Variants in CHODL observed in about 807,000 individuals in gnomAD.
CHODL encodes transmembrane protein MT75.
CHODL carries 29 observed loss-of-function variants against 34.5 expected under a neutral mutation model. That is an observed-to-expected ratio of 0.84 (90% CI 0.63 to 1.15). CHODL has a LOEUF of 1.15. Among genes scored for constraint, CHODL ranks in the 50% most tolerant of loss-of-function variants. The pLI, the probability that CHODL is intolerant of heterozygous loss-of-function variation, is 0.00. For synonymous variants in CHODL, 125 were observed against 116.1 expected (o/e 1.08, Z -0.49); for missense variants, 332 against 332.5 (o/e 1.00, Z 0.01).
chr21:18,155,492 T>C lies in CHODL; in HGVS notation c.-44-101017T>C, dbSNP rs115830459. Among the ~76,000 whole-genome samples, 446 of 152,334 alleles carry C rather than the reference T, an allele frequency of 2.9e-3. 3 individuals are homozygous for C. The highest frequency in any genetic ancestry group is 0.011 in the African/African-American group (438 of 41,580). On this transcript the variant is annotated intron_variant, in intron 2 of 6. Transcript: ENST00000400127. ...ATATGAGCTAGGAAAGAAGAGGTTC[T>C]TCCCTCTAATTCTGCAAACTTGTGG... is the stretch of plus-strand genomic sequence containing the variant.
At chr21:18,098,342 G>T (rs964319719) in intron 2 of CHODL, among the ~76,000 whole-genome samples, 1 of 150,110 alleles carries the variant, frequency 6.7e-6, no homozygotes. Flanking sequence ...GAATATATAG[G>T]GGCCTCAATA....
intron 1 of CHODL, among the ~76,000 whole-genome samples, chr21:17,951,106 ACGTGTG>A (rs1173476357): frequency 1.3e-5 from 1 of 79,138 alleles, no homozygotes. Context: ...ATTACTCTAT[ACGTGTG>A]TGTGTGTGTG....
intron 1 of CHODL, among the ~76,000 whole-genome samples, chr21:17,984,608 CT>C (rs1364543278): frequency 6.6e-5 from 10 of 151,706 alleles, no homozygotes; most frequent in African/African-American, 1.2e-4. Context: ...TTGTACATGA[CT>C]TTTTTTAATT....
At chr21:18,006,498 A>G (rs111414201) in intron 1 of CHODL, among the ~76,000 whole-genome samples, 2,732 of 152,258 alleles carry the variant, frequency 0.018, 69 homozygotes, top group Middle Eastern at 0.051. Context: ...CCCTCACAGG[A>G]GCATTGAGGG....
At chr21:17,932,704 T>C (rs1311398366) in intron 1 of CHODL, among the ~76,000 whole-genome samples, 1 of 152,142 alleles carries the variant, frequency 6.6e-6, no homozygotes. Flanking sequence ...AAAACTGCAA[T>C]GGAAAATCAA....
intron 1 of CHODL, among the ~76,000 whole-genome samples, chr21:18,256,257 A>G (rs1444828441): frequency 6.6e-6 from 1 of 152,204 alleles, no homozygotes; most frequent in Non-Finnish European, 1.5e-5. Context: ...CAGAAGAGTT[A>G]TAACTTCCCT....
intron 2 of CHODL, among the ~76,000 whole-genome samples, chr21:18,145,040 T>C (rs1367436201): frequency 2.3e-5 from 2 of 88,172 alleles, no homozygotes; most frequent in Non-Finnish European, 6.5e-5. Flanking sequence ...TATTAATCTT[T>C]ACCTTGTTAA....
chr21:18,063,674 G>C (rs1240173806), intron 2 of CHODL, among the ~76,000 whole-genome samples: 1 of 152,146 alleles, frequency 6.6e-6, no homozygotes, highest in Non-Finnish European at 1.5e-5. Flanking sequence ...AAATATTCAG[G>C]AGATTTACAA....
intron 2 of CHODL, among the ~76,000 whole-genome samples, chr21:18,045,271 A>G (rs1427956146): frequency 6.6e-6 from 1 of 151,954 alleles, no homozygotes; most frequent in Admixed American, 6.6e-5. Context: ...AAAGATATAA[A>G]CATGCCCCAG....
At chr21:18,084,896 A>G (rs769214493) in intron 2 of CHODL, among the ~76,000 whole-genome samples, 2 of 146,694 alleles carry the variant, frequency 1.4e-5, no homozygotes, top group South Asian at 4.3e-4. Flanking sequence ...TTGTATTGCT[A>G]TCTCTTTTGT....
chr21:18,242,972 G>A (rs2074096037), upstream of CHODL, among the ~76,000 whole-genome samples: 1 of 152,140 alleles, frequency 6.6e-6, no homozygotes, highest in Non-Finnish European at 1.5e-5. Flanking sequence ...TCCCAAAGAA[G>A]GACCTGTTTA....
intron 1 of CHODL, among the ~76,000 whole-genome samples, chr21:17,929,446 A>C (rs1179357410): frequency 6.6e-6 from 1 of 152,280 alleles, no homozygotes; most frequent in African/African-American, 2.4e-5. Flanking sequence ...TCAAAATAGT[A>C]AATATTCACA....
At chr21:18,041,933 A>T (rs1310936764) in intron 2 of CHODL, among the ~76,000 whole-genome samples, 1 of 151,892 alleles carries the variant, frequency 6.6e-6, no homozygotes, top group African/African-American at 2.4e-5. Flanking sequence ...TTTGTAGTCC[A>T]GATTTAGGAT....
chr21:18,210,763 C>G (rs913485259), intron 2 of CHODL, among the ~76,000 whole-genome samples: 1 of 152,158 alleles, frequency 6.6e-6, no homozygotes, highest in Non-Finnish European at 1.5e-5. Context: ...AACTACTAAA[C>G]AGAAGCAAAA....
intron 1 of CHODL, among the ~76,000 whole-genome samples, chr21:17,998,960 C>CA (rs1473583036): frequency 6.6e-6 from 1 of 152,130 alleles, no homozygotes. Context: ...AATTTCTCCT[C>CA]AAAAAATGGG....
intron 2 of CHODL, among the ~76,000 whole-genome samples, chr21:18,041,211 A>AGGTGGCGTTATCCACACTCAAAAG (rs2064371749): frequency 6.6e-6 from 1 of 151,920 alleles, no homozygotes; most frequent in Admixed American, 6.6e-5. Flanking sequence ...GACAGACACA[A>AGGTGGCGTTATCCACACTCAAAAG]GGTGGCGTTA....
chr21:18,000,679 G>A (rs999762484), intron 1 of CHODL, among the ~76,000 whole-genome samples: 1 of 152,112 alleles, frequency 6.6e-6, no homozygotes, highest in African/African-American at 2.4e-5. Flanking sequence ...AGGCTTACCT[G>A]ATTTTCCAAA....
chr21:18,093,103 A>G (rs1477034816), intron 2 of CHODL, among the ~76,000 whole-genome samples: 1 of 152,220 alleles, frequency 6.6e-6, no homozygotes, highest in African/African-American at 2.4e-5. Flanking sequence ...AAAGAAACAA[A>G]TAACATACAA....
rs1021107405 is a variant in CHODL, at chr21:18,266,900, A to G, written c.*862A>G. On this transcript the variant is annotated 3_prime_UTR_variant, in exon 6 of 6. Coordinates refer to ENST00000299295, the MANE Select transcript of CHODL (RefSeq NM_024944.3). ...ATATGTCTTCACACGTTGCCTATAT[A>G]ATGAGAAGCAGCTCTCTGAGGGTTC... is the stretch of plus-strand genomic sequence containing the variant. 1.3e-5 allele frequency: 2 copies of G among 152,446 alleles called. No homozygotes were observed. Among genetic ancestry groups the G allele is most frequent in the African/African-American group, 4.8e-5 (2 of 41,454 alleles). The allele number at this position is 152,446 out of a possible 1,614,324, so 9.4% of individuals were successfully genotyped here. A position where few individuals can be genotyped will look rare whatever the true frequency, so the allele number is the denominator to read the frequency against.
Sources: gnomAD v4.1 joint callset for allele counts (sites outside exome capture counted in the v4.1 genomes callset) on GRCh38, gnomAD v4.1.1 for gene constraint, MANE v1.5 for transcripts, NCBI Gene and HGNC (gene_info 2026-07-23, HGNC 2026-07-21) for gene names.